The following WDR20 variants were observed in gnomAD, a reference collection of about 807,000 sequenced individuals.
WDR20 encodes WD repeat-containing protein 20.
A neutral mutation model predicts 38.7 loss-of-function variants in WDR20; 3 were observed. That is an observed-to-expected ratio of 0.08 (90% confidence interval 0.04 to 0.20). WDR20 has a LOEUF of 0.20. Among genes scored for constraint, WDR20 ranks in the 10% least tolerant of loss-of-function variants. The pLI is 1.00. For missense variants in WDR20, 559 were observed against 727.7 expected, an observed-to-expected ratio of 0.77 and a Z score of 2.67; for synonymous variants, 298 against 285.6, an observed-to-expected ratio of 1.04 and a Z score of -0.44.
intron 1 of WDR20, among the ~76,000 whole-genome samples, chr14:102,192,998 T>TAA (rs57269658): frequency 7.1e-6 from 1 of 140,824 alleles, no homozygotes; most frequent in Non-Finnish European, 1.6e-5. Context: ...TTAAGCAAAC[T>TAA]AAAAAAAAAA....
chr14:102,141,351 A>G (rs1212794044), intron 1 of WDR20, among the ~76,000 whole-genome samples: 1 of 152,246 alleles, frequency 6.6e-6, no homozygotes, highest in African/African-American at 2.4e-5. Context: ...AGCTAGGGAA[A>G]TGACAGTGGT....
intron 2 of WDR20, among the ~76,000 whole-genome samples, chr14:102,204,693 T>C (rs2061182748): frequency 6.6e-6 from 1 of 152,236 alleles, no homozygotes; most frequent in African/African-American, 2.4e-5. Context: ...CCATTTTCCA[T>C]GCGAGGCAAT....
chr14:102,197,514 A>G (rs1284457346), intron 2 of WDR20, among the ~76,000 whole-genome samples: 1 of 152,246 alleles, frequency 6.6e-6, no homozygotes. Flanking sequence ...AGGGTAAGGA[A>G]GGCCTTCAAA....
chr14:102,213,386 T>A (rs1040823453), downstream of WDR20: 1 of 985,370 alleles, frequency 1.0e-6, no homozygotes, highest in African/African-American at 1.7e-5. Flanking sequence ...GTAAAGGATC[T>A]CATTTCTCTT....
chr14:102,146,312 T>A (rs2053638652), intron 1 of WDR20, among the ~76,000 whole-genome samples: 1 of 152,036 alleles, frequency 6.6e-6, no homozygotes, highest in Non-Finnish European at 1.5e-5. Flanking sequence ...TTACAGGCAC[T>A]TGCCACCATG....
chr14:102,160,680 C>T (rs908721753), intron 1 of WDR20, among the ~76,000 whole-genome samples: 1 of 151,842 alleles, frequency 6.6e-6, no homozygotes, highest in African/African-American at 2.4e-5. Context: ...CGGTGGCTCA[C>T]GCCCATAATC....
intron 1 of WDR20, among the ~76,000 whole-genome samples, chr14:102,184,246 C>T (rs2064030776): frequency 6.6e-6 from 1 of 152,102 alleles, no homozygotes; most frequent in African/African-American, 2.4e-5. Flanking sequence ...TCACAACAGC[C>T]ATTTGTGGTG....
rs1014217279 is a variant in WDR20 at position 102,207,106 on chromosome 14, G to C, written c.433-1497G>C. Reference sequence around the variant, plus strand: ...TGTGTCCCCAAGGCTGGCTTGCCACGTGCCTATTAATTTAAGAGGACCAGC... The same window carrying C: ...TGTGTCCCCAAGGCTGGCTTGCCACCTGCCTATTAATTTAAGAGGACCAGC... On this transcript the variant is annotated intron_variant, in intron 2 of 2. Transcript: ENST00000342702. This position sits in a 1 kb window ranked among gnomAD's most constrained non-coding sequence, Gnocchi z 5.0. Among the ~76,000 whole-genome samples the C allele has an allele frequency of 1.3e-5, 2 of 152,186 alleles. No homozygotes were observed. Among genetic ancestry groups the C allele is most frequent in the Admixed American group, 1.3e-4 (2 of 15,284 alleles).
downstream of WDR20, among the ~76,000 whole-genome samples, chr14:102,212,190 C>A (rs973830078): frequency 6.6e-6 from 1 of 152,200 alleles, no homozygotes; most frequent in African/African-American, 2.4e-5. Flanking sequence ...TTTCTCCCCC[C>A]ACCTCCAGTT....
chr14:102,147,343 C>T (rs1241211174), intron 1 of WDR20, among the ~76,000 whole-genome samples: 3 of 152,182 alleles, frequency 2.0e-5, no homozygotes, highest in Non-Finnish European at 4.4e-5. Flanking sequence ...GAGCCAAGAT[C>T]GTGCCAGTGC....
At chr14:102,148,700 TG>T (rs2152706375) in intron 1 of WDR20, among the ~76,000 whole-genome samples, 1 of 145,074 alleles carries the variant, frequency 6.9e-6, no homozygotes, top group African/African-American at 2.5e-5. Context: ...TGTGTGTGTG[TG>T]TGTGTGTTTG....
At chr14:102,170,107 A>C (rs998315433) in intron 1 of WDR20, among the ~76,000 whole-genome samples, 1 of 152,222 alleles carries the variant, frequency 6.6e-6, no homozygotes, top group African/African-American at 2.4e-5. Context: ...AAACTTTAGC[A>C]TCTGCACTGT....
intron 1 of WDR20, among the ~76,000 whole-genome samples, chr14:102,152,695 G>A (rs957223291): frequency 1.4e-4 from 22 of 152,284 alleles, no homozygotes; most frequent in South Asian, 8.3e-4. Context: ...GATTATAGGC[G>A]TGAGCCACCG....
chr14:102,162,851 A>G (rs915413383), intron 1 of WDR20, among the ~76,000 whole-genome samples: 5 of 152,148 alleles, frequency 3.3e-5, no homozygotes, highest in Admixed American at 1.3e-4. Context: ...GACTCAAGGT[A>G]TCTGCCTGCC....
At chr14:102,170,114 C>G (rs1259494800) in intron 1 of WDR20, among the ~76,000 whole-genome samples, 2 of 152,154 alleles carry the variant, frequency 1.3e-5, no homozygotes, top group African/African-American at 4.8e-5. Context: ...AGCATCTGCA[C>G]TGTTTTACAC....
chr14:102,158,180 G>T (rs1038977698), intron 1 of WDR20, among the ~76,000 whole-genome samples: 2 of 152,148 alleles, frequency 1.3e-5, no homozygotes, highest in African/African-American at 4.8e-5. Flanking sequence ...TGCCCTGCAT[G>T]TGGTTGAAGG....
At chr14:102,139,623 T>C (rs375429292), upstream of WDR20, 8 of 643,772 alleles carry the variant, frequency 1.2e-5, no homozygotes, top group African/African-American at 3.7e-5. Flanking sequence ...AACGGTCAAC[T>C]AGACCCCACT....
chr14:102,203,152 C>T (rs2152986230), intron 2 of WDR20, among the ~76,000 whole-genome samples: 1 of 152,300 alleles, frequency 6.6e-6, no homozygotes, highest in African/African-American at 2.4e-5. Context: ...CTGCCACTTC[C>T]CTTTCTAGAA....
chr14:102,212,888 A>AC (rs1271945569), downstream of WDR20: 1 of 1,141,814 alleles, frequency 8.8e-7, no homozygotes, highest in Non-Finnish European at 1.1e-6. Flanking sequence ...GTGGAATAAA[A>AC]CACAGCATTT....
Sources: gnomAD v4.1 joint callset for allele counts (sites outside exome capture counted in the v4.1 genomes callset) on GRCh38, gnomAD v4.1.1 for gene constraint, Gnocchi (gnomAD v3.1) non-coding constraint, MANE v1.5 for transcripts, NCBI Gene and HGNC (gene_info 2026-07-23, HGNC 2026-07-21) for gene names.